The following ERBB4 variants were observed in gnomAD, a reference collection of about 807,000 sequenced individuals.
ERBB4 encodes erb-b2 receptor tyrosine kinase 4.
Under a neutral mutation model 158.0 loss-of-function variants are expected in ERBB4, and 42 were observed. The observed-to-expected ratio is 0.27, with a 90% CI of 0.21 to 0.34. The LOEUF (loss-of-function observed/expected upper bound fraction) is 0.34, where lower values mean the gene tolerates loss of function less well. Among genes scored for constraint, ERBB4 ranks in the 10% least tolerant of loss-of-function variants. The pLI is 1.00. For synonymous variants in ERBB4, 583 were observed against 558.7 expected (o/e 1.04, Z -0.61); for missense variants, 1,333 against 1,624.1 (o/e 0.82, Z 3.08).
chr2:212,198,687 G>GGCTCA (rs1353549570), intron 1 of ERBB4, among the ~76,000 whole-genome samples: 1 of 151,384 alleles, frequency 6.6e-6, no homozygotes, highest in African/African-American at 2.4e-5. Flanking sequence ...CGATTCTCCT[G>GGCTCA]GCTCAGCCCC....
intron 2 of ERBB4, among the ~76,000 whole-genome samples, chr2:212,064,920 G>C (rs1480334983): frequency 6.6e-6 from 1 of 151,826 alleles, no homozygotes; most frequent in African/African-American, 2.4e-5. Flanking sequence ...CAAACATTGT[G>C]ATTGACTGAA....
intron 2 of ERBB4, among the ~76,000 whole-genome samples, chr2:212,024,497 C>T: frequency 6.6e-6 from 1 of 151,646 alleles, no homozygotes; most frequent in Non-Finnish European, 1.5e-5. Context: ...AAGACAGAAA[C>T]AGGCTCAAGT....
At chr2:212,331,605 AT>A (rs2088177078) in intron 1 of ERBB4, among the ~76,000 whole-genome samples, 2 of 141,102 alleles carry the variant, frequency 1.4e-5, no homozygotes, top group Admixed American at 1.3e-4. Flanking sequence ...TAGAGATAAT[AT>A]TACCAAACTC....
At chr2:212,077,311 A>C (rs1445375920) in intron 2 of ERBB4, among the ~76,000 whole-genome samples, 1 of 152,008 alleles carries the variant, frequency 6.6e-6, no homozygotes, top group Admixed American at 6.6e-5. Flanking sequence ...ATACACCGTA[A>C]GATATATACA....
chr2:211,742,178 C>A (rs906911378), intron 5 of ERBB4, among the ~76,000 whole-genome samples: 3 of 152,204 alleles, frequency 2.0e-5, no homozygotes, highest in African/African-American at 4.8e-5. Context: ...TTCCCTGTTC[C>A]CCATTAGCTC....
intron 3 of ERBB4, among the ~76,000 whole-genome samples, chr2:211,905,042 A>C (rs1041061171): frequency 2.0e-5 from 3 of 152,132 alleles, no homozygotes; most frequent in African/African-American, 7.2e-5. Flanking sequence ...GCTGCTGTAA[A>C]AAACAGCACA....
rs774467771 is a variant in ERBB4 at position 211,679,108 on chromosome 2, C to T, written c.1566G>A (p.Ser522=). The change falls in exon 13 of 28, where the codon TCG becomes TCA. Residue 522 remains serine, a synonymous_variant. Transcript: ENST00000342788. ...CWGPGPDQCL[S]CRRFSRGRIC... ...TCCTTCCTCTACTGAAGCGGCGACACGACAGACATTGGTCTGGCCCAGGTC... is the reference window on the plus strand; with the variant it reads ...TCCTTCCTCTACTGAAGCGGCGACATGACAGACATTGGTCTGGCCCAGGTC... 1.2e-5 allele frequency: 20 copies of T among 1,613,598 alleles called. No individual in the cohort carries two copies. The South Asian group carries it at 1.3e-4, about 11-fold the overall frequency.
intron 3 of ERBB4, 37 bp from the exon 4 acceptor site, chr2:211,788,196 A>G: frequency 6.5e-7 from 1 of 1,548,266 alleles, no homozygotes; most frequent in Non-Finnish European, 8.9e-7. Context: ...TTTTTGTCAA[A>G]CTGCTTGTTG....
At chr2:212,416,045 T>A (rs2091642162) in intron 1 of ERBB4, among the ~76,000 whole-genome samples, 1 of 152,116 alleles carries the variant, frequency 6.6e-6, no homozygotes, top group African/African-American at 2.4e-5. Flanking sequence ...GGGGCCTGTG[T>A]AATTACATAC....
In ERBB4 at chr2:211,386,999, C is replaced by T. The variant is rs770460785; in HGVS notation, c.3335G>A (p.Arg1112His). 29 of 1,614,012 alleles carry T rather than the reference C, an allele frequency of 1.8e-5. No homozygotes were observed. Among genetic ancestry groups the T allele is most frequent in the South Asian group, 2.2e-5 (2 of 91,074 alleles). ...TTGGACATGGGGTGCCACTGGCTTG[C>T]GTAGGGTGCCATTACAGCAGGAGTC... Reference protein sequence around the residue: ...FDDSCCNGTLRKPVAPHVQED... With the variant: ...FDDSCCNGTLHKPVAPHVQED... Residue 1112 changes from arginine (R) to histidine (H), a missense_variant, in exon 27 of 28, where the codon CGC (arginine) becomes CAC (histidine). This residue lies in a region of ERBB4 where 252 missense variants were observed against 241.3 expected (regional missense o/e 1.04). Coordinates refer to ENST00000342788, the MANE Select transcript of ERBB4 (RefSeq NM_005235.3).
At chr2:211,422,977 G>A (rs1325882121) in intron 23 of ERBB4, among the ~76,000 whole-genome samples, 1 of 151,738 alleles carries the variant, frequency 6.6e-6, no homozygotes, top group Non-Finnish European at 1.5e-5. Context: ...CGGGAGTTCA[G>A]TTTTTATTCC....
chr2:211,716,493 G>A (rs56059313), intron 7 of ERBB4, among the ~76,000 whole-genome samples: 5,909 of 150,844 alleles, frequency 0.039, 176 homozygotes, highest in South Asian at 0.083. Context: ...CGGCTAACAC[G>A]GTGAAACCCC....
chr2:211,591,582 CA>C (rs1203125445), intron 19 of ERBB4, among the ~76,000 whole-genome samples: 1 of 152,200 alleles, frequency 6.6e-6, no homozygotes, highest in African/African-American at 2.4e-5. Flanking sequence ...GCCCTCTGGG[CA>C]GAGTAAGCAC....
rs1021093977 is a variant in ERBB4 at position 212,209,181 on chromosome 2, A to G, written c.83-84278T>C. Among the ~76,000 whole-genome samples the G allele has an allele frequency of 2.6e-5, 4 of 152,156 alleles. No homozygotes were observed. In the East Asian group the frequency reaches 5.8e-4, roughly 22 times the overall value. ...TAATGTCAGACACTTGAAATGTCCA[A>G]CTTAGATGAACTCTCCATAACTGAA... On this transcript the variant is annotated intron_variant, in intron 1 of 27. Coordinates refer to ENST00000342788, the MANE Select transcript of ERBB4 (RefSeq NM_005235.3).
chr2:212,061,027 A>G (rs188854726), intron 2 of ERBB4, among the ~76,000 whole-genome samples: 1 of 152,038 alleles, frequency 6.6e-6, no homozygotes, highest in Non-Finnish European at 1.5e-5. Context: ...TTTGGAATAG[A>G]TACTCTTAAT....
rs529464394 is a variant in ERBB4 at position 211,383,103 on chromosome 2, A to G, written c.*512T>C. On this transcript the variant is annotated 3_prime_UTR_variant, in exon 28 of 28. Transcript: ENST00000342788. ...GGAAAGAAACTGGATTCTCAATTTCAGACACCATCATATGTTATAGAAAAT... is the reference window on the plus strand; with the variant it reads ...GGAAAGAAACTGGATTCTCAATTTCGGACACCATCATATGTTATAGAAAAT... 125 of 233,088 alleles carry G rather than the reference A, an allele frequency of 5.4e-4. No individual in the cohort carries two copies. The highest frequency in any genetic ancestry group is 8.4e-4 in the Non-Finnish European group (99 of 118,060). The allele number at this position is 233,088 out of a possible 1,614,324, so 14.4% of individuals were successfully genotyped here. A position where few individuals can be genotyped will look rare whatever the true frequency, so the allele number is the denominator to read the frequency against.
rs931278170 is a variant in ERBB4 at position 211,805,111 on chromosome 2, G to C, written c.422-16952C>G. 2.6e-5 allele frequency among the ~76,000 whole-genome samples: 4 copies of C among 152,086 alleles called. No homozygotes were observed. The East Asian group carries it at 7.8e-4, about 29-fold the overall frequency. On this transcript the variant is annotated intron_variant, in intron 3 of 27. Transcript: ENST00000342788. ...AATTTGTATTTTTAGTAGAGACAGGGTTTCACCATGTTGGCCAGGCTTGTC... is the reference window on the plus strand; with the variant it reads ...AATTTGTATTTTTAGTAGAGACAGGCTTTCACCATGTTGGCCAGGCTTGTC...
chr2:211,787,214 A>G (rs2076185697), intron 4 of ERBB4, among the ~76,000 whole-genome samples: 1 of 152,232 alleles, frequency 6.6e-6, no homozygotes, highest in Admixed American at 6.5e-5. Flanking sequence ...TGAGAAATAT[A>G]AAACCCAGGT....
chr2:212,479,755 A>T (rs1689592123), intron 1 of ERBB4, among the ~76,000 whole-genome samples: 1 of 152,182 alleles, frequency 6.6e-6, no homozygotes. Context: ...TTTAAAATTT[A>T]TCTGAGATAT....
Sources: allele counts gnomAD v4.1 joint callset (sites outside exome capture counted in the v4.1 genomes callset), GRCh38; gene constraint gnomAD v4.1.1; regional missense constraint gnomAD v4.1.1; transcripts MANE v1.5; gene names NCBI Gene and HGNC (gene_info 2026-07-23, HGNC 2026-07-21).